The following SNW1 variants were observed in gnomAD, a reference collection of about 807,000 sequenced individuals.
SNW1 encodes the protein SNW domain-containing protein 1.
Under a neutral mutation model 75.6 loss-of-function variants are expected in SNW1, and 9 were observed. The ratio of observed to expected loss-of-function variants is 0.12; its 90% CI spans 0.07 to 0.21. The LOEUF (loss-of-function observed/expected upper bound fraction) is 0.21, where lower values mean the gene tolerates loss of function less well. Ranked by LOEUF, SNW1 falls within the 10% of genes least tolerant of loss-of-function variation. The pLI is 1.00. For synonymous variants in SNW1, 200 were observed against 219.1 expected, an observed-to-expected ratio of 0.91 and a Z score of 0.77; for missense variants, 409 against 670.9, an observed-to-expected ratio of 0.61 and a Z score of 4.31.
intron 3 of SNW1, among the ~76,000 whole-genome samples, chr14:77,748,060 G>C (rs1396869836): frequency 6.6e-6 from 1 of 152,234 alleles, no homozygotes; most frequent in East Asian, 1.9e-4. Flanking sequence ...ATTTTGTTCT[G>C]TACTAAGAAA....
intron 8 of SNW1, among the ~76,000 whole-genome samples, 198 bp from the exon 9 acceptor site, chr14:77,732,799 G>C (rs1412773849): frequency 1.3e-5 from 2 of 152,104 alleles, no homozygotes; most frequent in Non-Finnish European, 2.9e-5. Flanking sequence ...CGAGTAGCTG[G>C]GACCATAGGC....
At chr14:77,750,505 G>GA (rs1287505269) in intron 3 of SNW1, among the ~76,000 whole-genome samples, 1 of 152,190 alleles carries the variant, frequency 6.6e-6, no homozygotes, top group Non-Finnish European at 1.5e-5. Context: ...CCATGATGCA[G>GA]AAGCAAAGGA....
intron 11 of SNW1, chr14:77,722,687 A>G (rs2080551363): frequency 5.5e-6 from 2 of 361,592 alleles, no homozygotes; most frequent in African/African-American, 4.3e-5. Context: ...AACTAGAGCT[A>G]AGACAAAGTA....
At chr14:77,730,635 C>T (rs1242502006) in intron 10 of SNW1, among the ~76,000 whole-genome samples, 1 of 152,110 alleles carries the variant, frequency 6.6e-6, no homozygotes, top group Admixed American at 6.6e-5. Flanking sequence ...GATTACTTCA[C>T]CATATGAGGG....
In SNW1 at chr14:77,737,189, T is replaced by C. The variant is rs78548017; in HGVS notation, c.534-114A>G. 2,815 of 691,816 alleles carry C rather than the reference T, an allele frequency of 4.1e-3. 40 individuals carry two copies. Among genetic ancestry groups the C allele is most frequent in the African/African-American group, 0.039 (2,184 of 55,914 alleles). 42.9% of individuals were successfully genotyped at this position (691,816 alleles called of 1,614,324 possible). On this transcript the variant is annotated intron_variant, in intron 5 of 13. Transcript: ENST00000261531. Reference sequence around the variant, plus strand: ...ATTTTCAATTCCTTTCGCAAAGTATTAACAGAAAATTAACAAAATATTTAG... The same window carrying C: ...ATTTTCAATTCCTTTCGCAAAGTATCAACAGAAAATTAACAAAATATTTAG...
chr14:77,751,022 C>G (rs190868162), intron 3 of SNW1, among the ~76,000 whole-genome samples: 1 of 152,242 alleles, frequency 6.6e-6, no homozygotes, highest in South Asian at 2.1e-4. Context: ...AATTTACTGG[C>G]AGTTTTAGAA....
intron 5 of SNW1, among the ~76,000 whole-genome samples, chr14:77,738,546 C>T (rs547787360): frequency 8.9e-4 from 136 of 152,276 alleles, no homozygotes; most frequent in African/African-American, 3.0e-3. Context: ...TGTCACCGTA[C>T]TCCAGCCTGG....
intron 8 of SNW1, among the ~76,000 whole-genome samples, chr14:77,734,278 C>T (rs1217055988): frequency 1.3e-5 from 2 of 152,210 alleles, no homozygotes; most frequent in Non-Finnish European, 1.5e-5. Context: ...AGTATCCAAG[C>T]ATTTACTCTG....
At chr14:77,729,488 A>T (rs2139901340) in intron 10 of SNW1, among the ~76,000 whole-genome samples, 1 of 152,314 alleles carries the variant, frequency 6.6e-6, no homozygotes, top group East Asian at 1.9e-4. Flanking sequence ...CCCATTCCAC[A>T]GTATTCTATT....
Position 77,734,338 on chromosome 14 carries a change from AT to A in SNW1, c.774+608del, listed in dbSNP as rs1418188346. 3.3e-5 allele frequency among the ~76,000 whole-genome samples: 5 copies of A among 152,324 alleles called. No individual in the cohort carries two copies. The East Asian group carries it at 9.6e-4, about 29-fold the overall frequency. ...ATCAGTTTACTTTCTTTTAGAAATAATTTTTAGATATAAATTTGAGTTTTCT... is the reference window on the plus strand; with the variant it reads ...ATCAGTTTACTTTCTTTTAGAAATAATTTTAGATATAAATTTGAGTTTTCT... On this transcript the variant is annotated intron_variant, in intron 8 of 13. Coordinates refer to ENST00000261531, the MANE Select transcript of SNW1 (RefSeq NM_012245.3).
intron 1 of SNW1, among the ~76,000 whole-genome samples, chr14:77,757,985 GCAAT>G (rs1384721949): frequency 9.3e-6 from 1 of 107,724 alleles, no homozygotes; most frequent in African/African-American, 3.6e-5. Context: ...TTTCTCTATT[GCAAT>G]CAATCAATCA....
intron 12 of SNW1, among the ~76,000 whole-genome samples, chr14:77,720,275 C>T (rs2080528715): frequency 6.6e-6 from 1 of 152,042 alleles, no homozygotes; most frequent in Admixed American, 6.6e-5. Context: ...GTGGGGATTA[C>T]AGGCGTGCAC....
intron 5 of SNW1, 71 bp from the exon 6 acceptor site, chr14:77,737,146 A>T: frequency 9.3e-7 from 1 of 1,078,716 alleles, no homozygotes; most frequent in Non-Finnish European, 1.4e-6. Context: ...CTTCTATTAC[A>T]ATCTTAAGCT....
At chr14:77,758,048 G>A (rs560162054) in intron 1 of SNW1, among the ~76,000 whole-genome samples, 4 of 150,852 alleles carry the variant, frequency 2.7e-5, no homozygotes, top group Admixed American at 6.6e-5. Context: ...CAATTTTTCC[G>A]GCTGGGCGAG....
intron 10 of SNW1, among the ~76,000 whole-genome samples, chr14:77,725,256 T>G (rs176971): frequency 0.84 from 127,783 of 152,238 alleles, 53,717 homozygotes; most frequent in African/African-American, 0.87. Flanking sequence ...TAAATGGATA[T>G]TTTGCAACCA....
chr14:77,719,366 A>T (rs1008776845), intron 12 of SNW1, among the ~76,000 whole-genome samples: 21 of 150,528 alleles, frequency 1.4e-4, no homozygotes, highest in Admixed American at 9.9e-4. Context: ...GGCTGGGCAC[A>T]GTGGCTCACG....
intron 3 of SNW1, among the ~76,000 whole-genome samples, chr14:77,739,618 AAAAAAG>A (rs1399114475): frequency 2.0e-5 from 3 of 151,912 alleles, no homozygotes; most frequent in Non-Finnish European, 2.9e-5. Context: ...AAAAGAAAAA[AAAAAAG>A]AAAAAGAAAA....
intron 3 of SNW1, among the ~76,000 whole-genome samples, chr14:77,750,632 A>T (rs1447426016): frequency 6.6e-6 from 1 of 151,416 alleles, no homozygotes; most frequent in Admixed American, 6.6e-5. Context: ...GTTCTAAGGA[A>T]ATCTTTCACT....
intron 1 of SNW1, 80 bp from the exon 2 acceptor site, chr14:77,755,200 C>A (rs537463580): frequency 2.4e-6 from 3 of 1,266,186 alleles, no homozygotes; most frequent in African/African-American, 3.0e-5. Flanking sequence ...GCCACAGAGA[C>A]AATTTTTCCT....
Sources: allele counts gnomAD v4.1 joint callset (sites outside exome capture counted in the v4.1 genomes callset), GRCh38; gene constraint gnomAD v4.1.1; transcripts MANE v1.5; gene names NCBI Gene and HGNC (gene_info 2026-07-23, HGNC 2026-07-21).